GAPVD1: variants seen among roughly 807,000 people sequenced by gnomAD.
The protein encoded by GAPVD1 is GTPase activating protein and VPS9 domains 1.
A neutral mutation model predicts 155.5 loss-of-function variants in GAPVD1; 35 were observed. The observed-to-expected ratio is 0.23, with a 90% CI of 0.17 to 0.30. The LOEUF is 0.30. GAPVD1 is among the 10% of genes least tolerant of loss of function. The pLI is 1.00. For synonymous variants in GAPVD1, 636 were observed against 619.7 expected (o/e 1.03, Z -0.39); for missense variants, 1,429 against 1,775.7 (o/e 0.80, Z 3.51).
Position 125,321,414 on chromosome 9 carries a change from T to C in GAPVD1, c.1603-19T>C, listed in dbSNP as rs751412551. On this transcript the variant is annotated intron_variant, in intron 9 of 27. Coordinates refer to ENST00000297933, the MANE Select transcript of GAPVD1 (RefSeq NM_001282680.3). The stretch of plus-strand genomic sequence containing the variant: ...TAATCTTTCCATTGATAAACCAAAA[T>C]TGACATTTTATTTTTTAGGTCCTAA... 3 of 1,600,128 alleles carry C rather than the reference T, an allele frequency of 1.9e-6. No individual in the cohort carries two copies. Among genetic ancestry groups the C allele is most frequent in the Non-Finnish European group, 2.6e-6 (3 of 1,170,022 alleles).
rs1054812418 is a variant in GAPVD1 at position 125,264,916 on chromosome 9, C to T, written c.-199+2957C>T. On this transcript the variant is annotated intron_variant, in intron 1 of 27. Transcript: ENST00000297933. ...TATTTTTAGTAGAAACGGGGTTTCA[C>T]CATGTTGGTCAGGCTGGCCTCGAAC... 2.0e-5 allele frequency among the ~76,000 whole-genome samples: 3 copies of T among 152,150 alleles called. No individual in the cohort carries two copies. The East Asian group carries it at 5.8e-4, about 29-fold the overall frequency.
At chr9:125,329,976 C>T in intron 12 of GAPVD1, 102 bp from the exon 13 acceptor site, 1 of 950,692 alleles carries the variant, frequency 1.1e-6, no homozygotes, top group African/African-American at 1.7e-5. Flanking sequence ...GCCACCGCGC[C>T]CAGCCAGGAG....
At chr9:125,358,938 G>A (rs1353487683) in intron 25 of GAPVD1, among the ~76,000 whole-genome samples, 2 of 152,230 alleles carry the variant, frequency 1.3e-5, no homozygotes, top group Non-Finnish European at 2.9e-5. Context: ...CCCTGTTACT[G>A]ACACCTGTGT....
chr9:125,332,556 G>T lies in GAPVD1; in HGVS notation c.2355G>T (p.Leu785=). 1 of 1,605,194 alleles carries T rather than the reference G, an allele frequency of 6.2e-7. No individual in the cohort carries two copies. Among genetic ancestry groups the T allele is most frequent in the Non-Finnish European group, 8.5e-7 (1 of 1,172,666 alleles). ...ATATTCCCAATAAGATTGAAGACCT[G>T]AGATCTGAGTGCAGCTCTGATTTTG... ...SEDIPNKIED[L]RSECSSDFGG... is the part of the protein sequence containing the mutation. Residue 785 remains leucine, a synonymous_variant, in exon 15 of 28, where the codon CTG becomes CTT. Coordinates refer to ENST00000297933, the MANE Select transcript of GAPVD1 (RefSeq NM_001282680.3).
At chr9:125,307,308 A>G in intron 6 of GAPVD1, 105 bp from the exon 7 acceptor site, 1 of 720,834 alleles carries the variant, frequency 1.4e-6, no homozygotes, top group Non-Finnish European at 2.1e-6. Flanking sequence ...AAAAAATATG[A>G]TTTTTAAGAT....
At chr9:125,295,330 A>C (rs1235617051) in intron 2 of GAPVD1, 128 bp from the exon 3 acceptor site, 1 of 151,468 alleles carries the variant, frequency 6.6e-6, no homozygotes, top group African/African-American at 2.4e-5. Flanking sequence ...TATTTAAGCT[A>C]TTCCTGGTGA....
At chr9:125,288,174 C>T (rs796782514) in intron 2 of GAPVD1, among the ~76,000 whole-genome samples, 4 of 147,300 alleles carry the variant, frequency 2.7e-5, no homozygotes, top group South Asian at 2.2e-4. Context: ...TGCAGTGGCG[C>T]GATCTCGGCT....
In GAPVD1 at chr9:125,284,421, G is replaced by A. The variant is rs528290871; in HGVS notation, c.-149-11037G>A. On this transcript the variant is annotated intron_variant, in intron 2 of 27. Transcript: ENST00000297933. ...TCTCGATCTCCTGACCTCATGATCC[G>A]CTCACCTCGGCTTCCCAAAGTGCTG... is the stretch of plus-strand genomic sequence containing the variant. Among the ~76,000 whole-genome samples, 9 of 149,450 alleles carry A rather than the reference G, an allele frequency of 6.0e-5. No homozygotes were observed. The East Asian group carries it at 8.0e-4, about 13-fold the overall frequency.
At chr9:125,359,098 C>G (rs1031646583) in intron 25 of GAPVD1, among the ~76,000 whole-genome samples, 1 of 152,094 alleles carries the variant, frequency 6.6e-6, no homozygotes, top group South Asian at 2.1e-4. Flanking sequence ...TTTTCCCCCC[C>G]TCTCCTTTTC....
chr9:125,325,155 G>C (rs1844928659), intron 11 of GAPVD1, among the ~76,000 whole-genome samples: 1 of 152,030 alleles, frequency 6.6e-6, no homozygotes, highest in Non-Finnish European at 1.5e-5. Flanking sequence ...AACCTGGGAG[G>C]CAGGGGTTGC....
rs1156297987 is a variant in GAPVD1, at chr9:125,364,567, C to G, written c.*1821C>G. On this transcript the variant is annotated 3_prime_UTR_variant, in exon 28 of 28. Coordinates refer to ENST00000297933, the MANE Select transcript of GAPVD1 (RefSeq NM_001282680.3). The stretch of plus-strand genomic sequence containing the variant: ...CAGAAACTAGATTTTCTTTATGCCT[C>G]CACCCCTTCTTATTCATTTACTTTA... The G allele has an allele frequency of 6.6e-6, 1 of 152,164 alleles. No individual in the cohort carries two copies. Among genetic ancestry groups the G allele is most frequent in the African/African-American group, 2.4e-5 (1 of 41,446 alleles). 9.4% of individuals were successfully genotyped at this position (152,164 alleles called of 1,614,324 possible).
At chr9:125,271,143 T>C (rs1025537655) in intron 2 of GAPVD1, among the ~76,000 whole-genome samples, 1 of 152,104 alleles carries the variant, frequency 6.6e-6, no homozygotes, top group East Asian at 1.9e-4. Context: ...TTTGTATACC[T>C]TTTTTTGTAA....
At chr9:125,353,055 T>A (rs1405477412) in intron 23 of GAPVD1, among the ~76,000 whole-genome samples, 1 of 151,296 alleles carries the variant, frequency 6.6e-6, no homozygotes, top group African/African-American at 2.4e-5. Context: ...TACAGTGAGC[T>A]GAGATCACGC....
At chr9:125,345,459 C>A (rs998844946) in intron 19 of GAPVD1, among the ~76,000 whole-genome samples, 1 of 152,176 alleles carries the variant, frequency 6.6e-6, no homozygotes. Flanking sequence ...GGATTACAGG[C>A]GTGAGCCACC....
intron 20 of GAPVD1, among the ~76,000 whole-genome samples, chr9:125,347,654 A>T (rs568082184): frequency 6.6e-6 from 1 of 152,030 alleles, no homozygotes; most frequent in East Asian, 1.9e-4. Flanking sequence ...CAGGAGGCGG[A>T]GGTTGCAGTG....
At chr9:125,330,357 T>A in intron 13 of GAPVD1, 139 bp downstream of exon 13, 1 of 527,080 alleles carries the variant, frequency 1.9e-6, no homozygotes, top group Non-Finnish European at 3.2e-6. Flanking sequence ...CTTGCTCTTT[T>A]ACCCAGGCTG....
intron 3 of GAPVD1, among the ~76,000 whole-genome samples, chr9:125,295,962 A>G (rs1159828240): frequency 6.6e-6 from 1 of 152,196 alleles, no homozygotes; most frequent in Non-Finnish European, 1.5e-5. Context: ...AAGCAGCAAG[A>G]AAGGCACAGT....
At chr9:125,334,159 C>T (rs1846512097) in intron 15 of GAPVD1, among the ~76,000 whole-genome samples, 1 of 151,830 alleles carries the variant, frequency 6.6e-6, no homozygotes, top group African/African-American at 2.4e-5. Context: ...AGTTAACTGT[C>T]CATTTTCACC....
chr9:125,329,634 G>GTTT (rs141414767), intron 12 of GAPVD1, among the ~76,000 whole-genome samples: 60 of 141,152 alleles, frequency 4.3e-4, no homozygotes, highest in African/African-American at 1.5e-3. Flanking sequence ...GAATTTGGTG[G>GTTT]TTTTTTTTTT....
Sources: gnomAD v4.1 joint callset for allele counts (sites outside exome capture counted in the v4.1 genomes callset) on GRCh38, gnomAD v4.1.1 for gene constraint, MANE v1.5 for transcripts, NCBI Gene and HGNC (gene_info 2026-07-23, HGNC 2026-07-21) for gene names.